The following MIER1 variants were observed in gnomAD, a reference collection of about 807,000 sequenced individuals.
The protein encoded by MIER1 is MIER1 transcriptional regulator, also known as mesoderm induction early response protein 1.
In MIER1, 40 loss-of-function variants were observed where a neutral mutation model predicts 75.7. The ratio of observed to expected loss-of-function variants is 0.53; its 90% confidence interval spans 0.41 to 0.69. The LOEUF (loss-of-function observed/expected upper bound fraction) is 0.69. Among genes scored for constraint, MIER1 ranks in the 30% least tolerant of loss-of-function variants. MIER1 has a pLI of 0.00. For synonymous variants in MIER1, 213 were observed against 223.4 expected (o/e 0.95, Z 0.42); for missense variants, 574 against 680.2 (o/e 0.84, Z 1.74).
At chr1:66,973,867 G>T (rs1664173993) in intron 11 of MIER1, among the ~76,000 whole-genome samples, 1 of 152,070 alleles carries the variant, frequency 6.6e-6, no homozygotes, top group Non-Finnish European at 1.5e-5. Context: ...TCTAAGTTTT[G>T]TGTCGTAGCT....
In MIER1 at chr1:66,946,596, A is replaced by G. The variant is rs571941050; in HGVS notation, c.339+301A>G. 109 of 1,038,204 alleles carry G rather than the reference A, an allele frequency of 1.0e-4. No individual in the cohort carries two copies. The African/African-American group carries it at 1.8e-3, about 17-fold the overall frequency. The allele number at this position is 1,038,204 out of a possible 1,614,324, so 64.3% of individuals were successfully genotyped here. ...ATAAAAGGATTCTACACGGCCTCATATATCCTTTGTCCTTCCCCAGTTACC... is the reference window on the plus strand; with the variant it reads ...ATAAAAGGATTCTACACGGCCTCATGTATCCTTTGTCCTTCCCCAGTTACC... On this transcript the variant is annotated intron_variant, in intron 4 of 13. Coordinates refer to ENST00000401041, the MANE Select transcript of MIER1 (RefSeq NM_001077700.3).
Position 66,984,690 on chromosome 1 carries a change from T to C in MIER1, c.1488T>C (p.Thr496=), listed in dbSNP as rs1251106194. ...AACCACTTCATGCAGATATGGATAC[T>C]AATGGTTATGAAACAGATAACCTTA... is the stretch of plus-strand genomic sequence containing the variant. ...NKKPLHADMD[T]NGYETDNLTT... is the part of the protein sequence containing the mutation. Residue 496 remains threonine (T), a synonymous_variant, in exon 14 of 14, where the codon ACT becomes ACC. Transcript: ENST00000401041. 1 of 1,613,984 alleles carries C rather than the reference T, an allele frequency of 6.2e-7. No individual in the cohort carries two copies. Among genetic ancestry groups the C allele is most frequent in the Admixed American group, 1.7e-5 (1 of 60,022 alleles).
intron 7 of MIER1, among the ~76,000 whole-genome samples, chr1:66,961,745 G>C (rs1212017850): frequency 6.6e-6 from 1 of 152,126 alleles, no homozygotes; most frequent in African/African-American, 2.4e-5. Flanking sequence ...GTAGGCCTAG[G>C]TGAGTTAAGT....
intron 4 of MIER1, among the ~76,000 whole-genome samples, chr1:66,951,294 A>G (rs566516587): frequency 1.3e-5 from 2 of 152,088 alleles, no homozygotes; most frequent in East Asian, 1.9e-4. Flanking sequence ...ATGCCCGGCT[A>G]ATTTTTTATT....
Position 66,946,175 on chromosome 1 carries a change from T to A in MIER1, c.219T>A (p.His73Gln), listed in dbSNP as rs1657590595. 1.2e-6 allele frequency: 2 copies of A among 1,610,568 alleles called. No individual in the cohort carries two copies. The highest frequency in any genetic ancestry group is 2.7e-5 in the African/African-American group (2 of 74,944). ...GAGGTTCAGCAACATCAGATGACCA[T>A]GAATTTGATCCATCAGCTGACATGC... ...SPGGSATSDD[H>Q]EFDPSADMLV... The change falls in exon 4 of 14, where the codon CAT becomes CAA. Residue 73 changes from histidine to glutamine, a missense_variant. His to Gln is a conservative substitution (Grantham distance 24). Transcript: ENST00000401041.
intron 4 of MIER1, among the ~76,000 whole-genome samples, chr1:66,950,087 C>T (rs1658569378): frequency 6.6e-6 from 1 of 152,164 alleles, no homozygotes; most frequent in Non-Finnish European, 1.5e-5. Flanking sequence ...GAATCATTCT[C>T]ATAGTAAATA....
intron 5 of MIER1, 30 bp from the exon 6 acceptor site, chr1:66,958,821 C>G (rs759048288): frequency 6.4e-7 from 1 of 1,572,828 alleles, no homozygotes. Flanking sequence ...TTCCTTACAT[C>G]TTAGAGAAAT....
intron 4 of MIER1, among the ~76,000 whole-genome samples, chr1:66,953,593 T>C (rs2101626746): frequency 6.6e-6 from 1 of 150,446 alleles, no homozygotes; most frequent in African/African-American, 2.5e-5. Flanking sequence ...GCATTTTCTT[T>C]TCCTTTTTTT....
chr1:66,953,140 C>T (rs1299821450), intron 4 of MIER1, among the ~76,000 whole-genome samples: 2 of 152,166 alleles, frequency 1.3e-5, no homozygotes, highest in Non-Finnish European at 2.9e-5. Flanking sequence ...ATTATGTCAG[C>T]TACTATGGTC....
Position 66,985,017 on chromosome 1 carries a change from G to A in MIER1, c.*117G>A. ...GAAGCAGTTTGAAAATTTGAATTGAGTCTTAACTTTAGGAAATGAGGTTTC... is the reference window on the plus strand; with the variant it reads ...GAAGCAGTTTGAAAATTTGAATTGAATCTTAACTTTAGGAAATGAGGTTTC... On this transcript the variant is annotated 3_prime_UTR_variant, in exon 14 of 14. Coordinates refer to ENST00000401041, the MANE Select transcript of MIER1 (RefSeq NM_001077700.3). 2.8e-6 allele frequency: 4 copies of A among 1,405,704 alleles called. No individual in the cohort carries two copies. The highest frequency in any genetic ancestry group is 3.7e-6 in the Non-Finnish European group (4 of 1,079,628). 87.1% of individuals were successfully genotyped at this position (1,405,704 alleles called of 1,614,324 possible).
intron 4 of MIER1, among the ~76,000 whole-genome samples, chr1:66,955,734 G>A (rs1659992643): frequency 6.6e-6 from 1 of 152,104 alleles, no homozygotes; most frequent in African/African-American, 2.4e-5. Context: ...AATTTCAGTT[G>A]CAAACTGTTA....
chr1:66,930,528 G>C (rs372980106), intron 2 of MIER1: 2 of 995,072 alleles, frequency 2.0e-6, no homozygotes, highest in Admixed American at 3.0e-5. Context: ...CTGTTGTCCG[G>C]AACAGGCCAT....
intron 3 of MIER1, 159 bp downstream of exon 3, chr1:66,940,211 A>G (rs1655857564): frequency 2.0e-6 from 1 of 507,510 alleles, no homozygotes; most frequent in Admixed American, 3.8e-5. Context: ...TTGACTGCCC[A>G]TGAAAGTACA....
intron 4 of MIER1, chr1:66,948,104 G>A (rs990073188): frequency 1.2e-5 from 11 of 921,876 alleles, no homozygotes; most frequent in Non-Finnish European, 1.4e-5. Context: ...TACCTCCACT[G>A]GTTTTGAGAA....
chr1:66,927,041 T>C (rs1651984992), intron 2 of MIER1, among the ~76,000 whole-genome samples: 1 of 152,158 alleles, frequency 6.6e-6, no homozygotes, highest in South Asian at 2.1e-4. Context: ...AAGGTACTGG[T>C]TGAAGTAAGA....
chr1:66,936,750 C>T (rs998952490), intron 2 of MIER1, among the ~76,000 whole-genome samples: 1 of 151,696 alleles, frequency 6.6e-6, no homozygotes, highest in Non-Finnish European at 1.5e-5. Context: ...TCTGTAATCC[C>T]AGCACTTTGG....
At chr1:66,934,642 G>A (rs1654325379) in intron 2 of MIER1, among the ~76,000 whole-genome samples, 2 of 149,494 alleles carry the variant, frequency 1.3e-5, no homozygotes, top group African/African-American at 2.5e-5. Flanking sequence ...CTGGCCTTAA[G>A]TGATCCTCCT....
At chr1:66,973,025 A>G in intron 11 of MIER1, 34 bp downstream of exon 11, 1 of 1,160,634 alleles carries the variant, frequency 8.6e-7, no homozygotes, top group Non-Finnish European at 1.3e-6. Context: ...TGCAAAAAGA[A>G]ATTTAGTTGA....
chr1:66,981,779 G>A lies in MIER1; in HGVS notation c.1230G>A (p.Thr410=), dbSNP rs191151957. 12 of 1,610,030 alleles carry A rather than the reference G, an allele frequency of 7.5e-6. No homozygotes were observed. Among genetic ancestry groups the A allele is most frequent in the Admixed American group, 1.7e-5 (1 of 59,606 alleles). ...KKKYNLHPGV[T]DYMDRLLDES... ...TAAAAATTGTTTTATTAATTTTAAG[G>A]GATTACATGGATCGTCTTCTAGACG... Residue 410 remains threonine (T), a splice_region_variant and synonymous_variant, in exon 13 of 14, where the codon ACG becomes ACA. Coordinates refer to ENST00000401041, the MANE Select transcript of MIER1 (RefSeq NM_001077700.3).
Sources: gnomAD v4.1 joint callset for allele counts (sites outside exome capture counted in the v4.1 genomes callset) on GRCh38, gnomAD v4.1.1 for gene constraint, MANE v1.5 for transcripts, NCBI Gene and HGNC (gene_info 2026-07-23, HGNC 2026-07-21) for gene names.